CNTN4: variants seen among roughly 807,000 people sequenced by gnomAD.
CNTN4 encodes the protein contactin 4.
CNTN4 carries 77 observed loss-of-function variants against 122.5 expected under a neutral mutation model. That is an observed-to-expected ratio of 0.63 (90% confidence interval 0.52 to 0.76). The LOEUF (loss-of-function observed/expected upper bound fraction) is 0.76. Ranked by LOEUF, CNTN4 falls within the 30% of genes least tolerant of loss-of-function variation. The pLI is 0.00. For missense variants in CNTN4, 1,256 were observed against 1,259.1 expected (o/e 1.00, Z 0.04); for synonymous variants, 512 against 447.0 (o/e 1.15, Z -1.83).
chr3:3,042,822 C>A, intron 21 of CNTN4, 155 bp from the exon 22 acceptor site: 1 of 670,078 alleles, frequency 1.5e-6, no homozygotes, highest in Non-Finnish European at 2.6e-6. Flanking sequence ...GATAATTTCT[C>A]AGGATATACA....
chr3:2,601,516 T>G (rs1404316644), intron 4 of CNTN4, among the ~76,000 whole-genome samples: 1 of 152,140 alleles, frequency 6.6e-6, no homozygotes, highest in Non-Finnish European at 1.5e-5. Context: ...GTTATAGATG[T>G]GTGGTATTAT....
intron 6 of CNTN4, among the ~76,000 whole-genome samples, chr3:2,797,671 T>C (rs2092231348): frequency 6.6e-6 from 1 of 152,202 alleles, no homozygotes; most frequent in South Asian, 2.1e-4. Flanking sequence ...CAAGTCCCTT[T>C]ACTGCAAAGT....
At position 2,953,275 on chromosome 3, in the gene CNTN4, G is replaced by C. The variant is rs768393353; in HGVS notation, c.1358+27496G>C. On this transcript the variant is annotated intron_variant, in intron 13 of 24. Transcript: ENST00000418658. ...GGTAGCCTTTCCTTCCAACTGCCCTGAGATGACCTTTGTGAATGTTAATTC... is the reference window on the plus strand; with the variant it reads ...GGTAGCCTTTCCTTCCAACTGCCCTCAGATGACCTTTGTGAATGTTAATTC... 5.9e-5 allele frequency among the ~76,000 whole-genome samples: 9 copies of C among 152,042 alleles called. 1 individual carries two copies. Among genetic ancestry groups the C allele is most frequent in the Non-Finnish European group, 1.2e-4 (8 of 68,014 alleles).
chr3:2,289,791 C>A (rs1054267578), intron 2 of CNTN4, among the ~76,000 whole-genome samples: 1 of 152,140 alleles, frequency 6.6e-6, no homozygotes, highest in Non-Finnish European at 1.5e-5. Flanking sequence ...TAATTTTATT[C>A]CACTTACTGC....
chr3:2,423,147 G>A (rs542912505), intron 3 of CNTN4, among the ~76,000 whole-genome samples: 3 of 152,316 alleles, frequency 2.0e-5, no homozygotes, highest in African/African-American at 7.2e-5. Flanking sequence ...CCTAGAAGTG[G>A]TGTTCCTAAG....
At chr3:2,394,052 A>T (rs1239552848) in intron 3 of CNTN4, among the ~76,000 whole-genome samples, 1 of 152,196 alleles carries the variant, frequency 6.6e-6, no homozygotes, top group African/African-American at 2.4e-5. Context: ...GGTCAGGGTT[A>T]TCCACGTAAA....
At chr3:2,854,051 C>T (rs1577061898) in intron 7 of CNTN4, among the ~76,000 whole-genome samples, 2 of 152,122 alleles carry the variant, frequency 1.3e-5, no homozygotes, top group African/African-American at 2.4e-5. Context: ...AAGGCAGAAC[C>T]GGACCATTGC....
rs181132147 is a variant in CNTN4, at chr3:2,476,044, G to C, written c.-88-95372G>C. On this transcript the variant is annotated intron_variant, in intron 3 of 24. Coordinates refer to ENST00000418658, the MANE Select transcript of CNTN4 (RefSeq NM_175607.3). ...TGGGTTTGAAAAGCATATGGTCTGA[G>C]AAGCAGTCTAAATTCACTCCAAATA... 4.5e-3 allele frequency among the ~76,000 whole-genome samples: 690 copies of C among 152,326 alleles called. 5 individuals are homozygous for C. Among genetic ancestry groups the C allele is most frequent in the Non-Finnish European group, 7.9e-3 (538 of 68,036 alleles).
chr3:2,487,431 A>T (rs1336050142), intron 3 of CNTN4, among the ~76,000 whole-genome samples: 1 of 152,182 alleles, frequency 6.6e-6, no homozygotes, highest in Non-Finnish European at 1.5e-5. Context: ...CAACCAATTT[A>T]CCAGCCAAGC....
At chr3:2,823,124 T>C (rs1261885222) in intron 7 of CNTN4, among the ~76,000 whole-genome samples, 2 of 152,170 alleles carry the variant, frequency 1.3e-5, no homozygotes, top group Non-Finnish European at 2.9e-5. Flanking sequence ...AGTGATTCTC[T>C]CACTGTTTTT....
intron 2 of CNTN4, among the ~76,000 whole-genome samples, chr3:2,291,468 A>G (rs1461023702): frequency 6.6e-6 from 1 of 152,180 alleles, no homozygotes; most frequent in Non-Finnish European, 1.5e-5. Flanking sequence ...TAGATATTTG[A>G]AGAAAATAAA....
chr3:2,282,167 G>A (rs1188039470), intron 2 of CNTN4, among the ~76,000 whole-genome samples: 1 of 151,866 alleles, frequency 6.6e-6, no homozygotes, highest in African/African-American at 2.4e-5. Context: ...CTTGTGAATG[G>A]GTGTTTTACA....
chr3:2,961,231 C>CAAAAAAAAAAA (rs59790353), intron 13 of CNTN4, among the ~76,000 whole-genome samples: 7 of 37,254 alleles, frequency 1.9e-4, no homozygotes, highest in South Asian at 1.6e-3. Flanking sequence ...CTCCATCTCA[C>CAAAAAAAAAAA]AAAAAAAAAA....
At chr3:2,922,153 A>C (rs1274774046) in intron 12 of CNTN4, among the ~76,000 whole-genome samples, 1 of 152,212 alleles carries the variant, frequency 6.6e-6, no homozygotes, top group Non-Finnish European at 1.5e-5. Flanking sequence ...ATAAGGGGCA[A>C]TTTGACAGTT....
chr3:2,323,140 C>G (rs2043327830), intron 2 of CNTN4, among the ~76,000 whole-genome samples: 1 of 152,168 alleles, frequency 6.6e-6, no homozygotes, highest in African/African-American at 2.4e-5. Flanking sequence ...AACCATATAC[C>G]TGAAGAATCG....
At chr3:2,193,664 C>T (rs1161550303) in intron 2 of CNTN4, among the ~76,000 whole-genome samples, 2 of 152,206 alleles carry the variant, frequency 1.3e-5, no homozygotes, top group Non-Finnish European at 2.9e-5. Context: ...AATGATGTTT[C>T]TGTCAGTAAT....
intron 2 of CNTN4, among the ~76,000 whole-genome samples, chr3:2,146,422 T>G (rs1452350242): frequency 6.6e-6 from 1 of 152,100 alleles, no homozygotes; most frequent in East Asian, 1.9e-4. Flanking sequence ...GTAGTAGCTT[T>G]CCAATTTATT....
chr3:2,673,920 G>T (rs1391448892), intron 4 of CNTN4, among the ~76,000 whole-genome samples: 1 of 152,124 alleles, frequency 6.6e-6, no homozygotes, highest in African/African-American at 2.4e-5. Flanking sequence ...CATGGCAGGA[G>T]GCCAGTCTTG....
Position 2,551,210 on chromosome 3 carries a change from G to A in CNTN4, c.-88-20206G>A, listed in dbSNP as rs562475906. 5.5e-4 allele frequency among the ~76,000 whole-genome samples: 84 copies of A among 152,228 alleles called. 1 individual carries two copies. Among genetic ancestry groups the A allele is most frequent in the South Asian group, 1.2e-3 (6 of 4,824 alleles). On this transcript the variant is annotated intron_variant, in intron 3 of 24. Transcript: ENST00000418658. ...TTGCATTAATTCCTTCAGAACCAGAGAAAGGTATCACTTAATGGAAAACAT... is the reference window on the plus strand; with the variant it reads ...TTGCATTAATTCCTTCAGAACCAGAAAAAGGTATCACTTAATGGAAAACAT...
Sources: gnomAD v4.1 joint callset for allele counts (sites outside exome capture counted in the v4.1 genomes callset) on GRCh38, gnomAD v4.1.1 for gene constraint, MANE v1.5 for transcripts, NCBI Gene and HGNC (gene_info 2026-07-23, HGNC 2026-07-21) for gene names.